SLC22A3: variants seen among roughly 807,000 people sequenced by gnomAD.
SLC22A3 encodes solute carrier family 22 member 3, also known as EMT organic cation transporter 3.
In SLC22A3, 51 loss-of-function variants were observed where a neutral mutation model predicts 59.1. The ratio of observed to expected loss-of-function variants is 0.86; its 90% confidence interval spans 0.69 to 1.09. SLC22A3 has a LOEUF of 1.09. Among genes scored for constraint, SLC22A3 ranks in the 50% least tolerant of loss-of-function variants. The pLI is 0.00. For missense variants in SLC22A3, 711 were observed against 726.3 expected (o/e 0.98, Z 0.24); for synonymous variants, 325 against 292.0 (o/e 1.11, Z -1.15).
intron 1 of SLC22A3, among the ~76,000 whole-genome samples, chr6:160,379,201 T>G (rs1161581050): frequency 1.3e-5 from 2 of 152,212 alleles, no homozygotes; most frequent in Non-Finnish European, 2.9e-5. Context: ...AAAGGGATAG[T>G]GAAACTCATT....
chr6:160,450,968 C>G lies in SLC22A3; in HGVS notation c.1611-28C>G. The G allele has an allele frequency of 1.9e-6, 3 of 1,568,632 alleles. No individual in the cohort carries two copies. The South Asian group carries it at 3.5e-5, about 18-fold the overall frequency. ...CTTCTAACTAGTTACATAATCTTTC[C>G]TAAAGACTTTCTCCTTTGTTTTTTC... On this transcript the variant is annotated intron_variant, in intron 10 of 10. Transcript: ENST00000275300.
At chr6:160,358,825 C>T (rs962733849) in intron 1 of SLC22A3, among the ~76,000 whole-genome samples, 8 of 152,222 alleles carry the variant, frequency 5.3e-5, no homozygotes, top group African/African-American at 1.9e-4. Context: ...CCCCACACTT[C>T]TTTCCAATTG....
At chr6:160,397,954 A>C (rs773087428) in intron 1 of SLC22A3, 25 bp from the exon 2 acceptor site, 1 of 1,543,218 alleles carries the variant, frequency 6.5e-7, no homozygotes, top group East Asian at 2.3e-5. Flanking sequence ...GCATGTCTCC[A>C]TGTGTGTTTT....
At chr6:160,429,593 C>G (rs1390394535) in intron 5 of SLC22A3, among the ~76,000 whole-genome samples, 1 of 152,134 alleles carries the variant, frequency 6.6e-6, no homozygotes, top group African/African-American at 2.4e-5. Context: ...ATGCTAGTCT[C>G]CTGGGGATGC....
chr6:160,406,425 A>G (rs141593069), intron 2 of SLC22A3, among the ~76,000 whole-genome samples: 48 of 152,318 alleles, frequency 3.2e-4, no homozygotes, highest in African/African-American at 9.6e-4. Flanking sequence ...TCCTTTTCCT[A>G]AACTATTTAA....
At chr6:160,352,837 T>C (rs975823226) in intron 1 of SLC22A3, among the ~76,000 whole-genome samples, 1 of 152,210 alleles carries the variant, frequency 6.6e-6, no homozygotes, top group Non-Finnish European at 1.5e-5. Flanking sequence ...TTTGTTTTGT[T>C]TTTTGACAAA....
At chr6:160,361,747 A>T (rs1049568618) in intron 1 of SLC22A3, among the ~76,000 whole-genome samples, 1 of 152,244 alleles carries the variant, frequency 6.6e-6, no homozygotes, top group Admixed American at 6.5e-5. Flanking sequence ...ACAAGTAATT[A>T]ACTGACATCT....
chr6:160,352,346 G>A (rs2504919), intron 1 of SLC22A3, among the ~76,000 whole-genome samples: 22,342 of 152,200 alleles, frequency 0.15, 2,181 homozygotes, highest in Non-Finnish European at 0.21. Flanking sequence ...CTTTTCTAAT[G>A]TCCGAATCTC....
chr6:160,368,646 C>T (rs546691059), intron 1 of SLC22A3, among the ~76,000 whole-genome samples: 33 of 152,252 alleles, frequency 2.2e-4, no homozygotes, highest in African/African-American at 6.7e-4. Context: ...CCATCATCCC[C>T]GCCACACCAC....
At chr6:160,416,866 C>T (rs1254169088) in intron 5 of SLC22A3, among the ~76,000 whole-genome samples, 2 of 152,104 alleles carry the variant, frequency 1.3e-5, no homozygotes, top group Non-Finnish European at 2.9e-5. Flanking sequence ...GGCCATTGCC[C>T]CAGGTACTGA....
At chr6:160,360,249 G>T (rs1442207540) in intron 1 of SLC22A3, among the ~76,000 whole-genome samples, 2 of 152,166 alleles carry the variant, frequency 1.3e-5, no homozygotes, top group Non-Finnish European at 2.9e-5. Context: ...CCTGAGGTCA[G>T]GAGTTCGAGA....
At chr6:160,381,165 A>G (rs899040133) in intron 1 of SLC22A3, among the ~76,000 whole-genome samples, 6 of 152,186 alleles carry the variant, frequency 3.9e-5, no homozygotes, top group African/African-American at 9.7e-5. Context: ...GCAAAAAAAC[A>G]AAAAGAGGCA....
chr6:160,437,146 T>A lies in SLC22A3; in HGVS notation c.1223T>A (p.Leu408His). ...LLTIERLGRR[L>H]PFAASNIVAG... is the part of the protein sequence containing the mutation. ...ACCATTGAGCGCCTTGGACGACGCC[T>A]CCCCTTTGCGGCAAGCAATATAGTG... The change falls in exon 7 of 11, where the codon CTC becomes CAC. Residue 408 changes from leucine (L) to histidine (H), a missense_variant. Leu to His is a moderately conservative substitution (Grantham distance 99). Transcript: ENST00000275300. 6.2e-7 allele frequency: 1 copy of A among 1,614,182 alleles called. No homozygotes were observed. The highest frequency in any genetic ancestry group is 8.5e-7 in the Non-Finnish European group (1 of 1,180,010).
intron 7 of SLC22A3, among the ~76,000 whole-genome samples, chr6:160,438,024 A>G (rs1368007035): frequency 1.3e-5 from 2 of 152,160 alleles, no homozygotes; most frequent in African/African-American, 2.4e-5. Context: ...TGAGTTTGGC[A>G]TAACTGCAGC....
intron 1 of SLC22A3, among the ~76,000 whole-genome samples, chr6:160,362,298 A>C (rs1253069249): frequency 1.3e-5 from 2 of 152,192 alleles, no homozygotes; most frequent in Non-Finnish European, 2.9e-5. Context: ...CAGTTTGTAG[A>C]ATGCTTTTCT....
At chr6:160,356,285 G>A (rs1784838123) in intron 1 of SLC22A3, among the ~76,000 whole-genome samples, 1 of 152,202 alleles carries the variant, frequency 6.6e-6, no homozygotes, top group Non-Finnish European at 1.5e-5. Flanking sequence ...GCAGACCTCT[G>A]GAGCAGGAGG....
chr6:160,434,929 G>T (rs1024278205), intron 5 of SLC22A3, among the ~76,000 whole-genome samples: 1 of 152,200 alleles, frequency 6.6e-6, no homozygotes, highest in Admixed American at 6.5e-5. Flanking sequence ...CTCTAGTGAG[G>T]CAGCTCTACT....
intron 5 of SLC22A3, among the ~76,000 whole-genome samples, chr6:160,416,150 G>T (rs1787480336): frequency 6.6e-6 from 1 of 152,142 alleles, no homozygotes. Context: ...TTTCTGGCTG[G>T]CCTCTGGCTT....
At chr6:160,407,217 T>C (rs1342206952) in intron 3 of SLC22A3, 22 bp downstream of exon 3, 1 of 1,578,418 alleles carries the variant, frequency 6.3e-7, no homozygotes, top group South Asian at 1.2e-5. Context: ...TTACACCATC[T>C]TCTCTATTTG....
Sources: allele counts gnomAD v4.1 joint callset (sites outside exome capture counted in the v4.1 genomes callset), GRCh38; gene constraint gnomAD v4.1.1; transcripts MANE v1.5; gene names NCBI Gene and HGNC (gene_info 2026-07-23, HGNC 2026-07-21).